Variants in ATXN10 observed in about 807,000 individuals in gnomAD.
The protein encoded by ATXN10 is ataxin-10.
In ATXN10, 28 loss-of-function variants were observed where a neutral mutation model predicts 52.9. That is an observed-to-expected ratio of 0.53 (90% confidence interval 0.39 to 0.73). The LOEUF (loss-of-function observed/expected upper bound fraction) is 0.73. ATXN10 is among the 30% of genes least tolerant of loss of function. The pLI is 0.00. For synonymous variants in ATXN10, 226 were observed against 221.5 expected, an observed-to-expected ratio of 1.02 and a Z score of -0.18; for missense variants, 565 against 577.0, an observed-to-expected ratio of 0.98 and a Z score of 0.21.
chr22:45,747,365 A>G (rs1214320605), intron 9 of ATXN10, among the ~76,000 whole-genome samples: 3 of 152,190 alleles, frequency 2.0e-5, no homozygotes, highest in African/African-American at 7.2e-5. Context: ...TTAGCTGAGT[A>G]TGTTGATGCA....
At chr22:45,771,237 A>G (rs571731629) in intron 9 of ATXN10, among the ~76,000 whole-genome samples, 196 of 152,330 alleles carry the variant, frequency 1.3e-3, no homozygotes, top group African/African-American at 4.4e-3. Flanking sequence ...TGGTACATCC[A>G]TACAATGGAA....
chr22:45,782,445 T>G (rs1483798439), intron 9 of ATXN10, among the ~76,000 whole-genome samples: 1 of 152,204 alleles, frequency 6.6e-6, no homozygotes, highest in East Asian at 1.9e-4. Context: ...AAATACATTA[T>G]GGTATTCATT....
chr22:45,776,158 TA>T (rs774421052), intron 9 of ATXN10, among the ~76,000 whole-genome samples: 5 of 152,190 alleles, frequency 3.3e-5, no homozygotes, highest in Non-Finnish European at 5.9e-5. Context: ...GTTTGCAGAA[TA>T]AAAAAACACC....
intron 9 of ATXN10, among the ~76,000 whole-genome samples, chr22:45,745,869 G>T (rs1456467168): frequency 1.3e-5 from 2 of 152,144 alleles, no homozygotes; most frequent in Non-Finnish European, 1.5e-5. Context: ...TCTTTTCAAG[G>T]AGTGTAAATA....
At chr22:45,706,283 G>A (rs1208956754) in intron 5 of ATXN10, among the ~76,000 whole-genome samples, 1 of 152,070 alleles carries the variant, frequency 6.6e-6, no homozygotes, top group African/African-American at 2.4e-5. Flanking sequence ...TTAGTAATTT[G>A]AGTCTTCTCT....
At chr22:45,685,740 C>T (rs1247193071) in intron 1 of ATXN10, among the ~76,000 whole-genome samples, 1 of 152,056 alleles carries the variant, frequency 6.6e-6, no homozygotes, top group Non-Finnish European at 1.5e-5. Flanking sequence ...TGAATAAAAG[C>T]TTCTTTGTCC....
intron 9 of ATXN10, among the ~76,000 whole-genome samples, chr22:45,788,625 C>G (rs1927401356): frequency 6.6e-6 from 1 of 151,900 alleles, no homozygotes; most frequent in Admixed American, 6.6e-5. Flanking sequence ...ATATTCCACC[C>G]TTCTGTGAAT....
At chr22:45,788,600 G>T (rs191750342) in intron 9 of ATXN10, among the ~76,000 whole-genome samples, 1 of 151,868 alleles carries the variant, frequency 6.6e-6, no homozygotes, top group East Asian at 1.9e-4. Flanking sequence ...TTTTTTTCCT[G>T]ATTTCCAAGA....
In ATXN10 at chr22:45,820,790, C is replaced by T. The variant is rs895215058; in HGVS notation, c.1237+13768C>T. 3.9e-5 allele frequency among the ~76,000 whole-genome samples: 6 copies of T among 152,058 alleles called. No homozygotes were observed. The highest frequency in any genetic ancestry group is 7.2e-5 in the African/African-American group (3 of 41,386). ...ATGGTGGTTGGTTTTTGTGAGCTGC[C>T]GGGAAAGTCGTCTTGGGGAATGGAC... On this transcript the variant is annotated intron_variant, in intron 10 of 11. Transcript: ENST00000252934. This position sits in a 1 kb window ranked among gnomAD's most constrained non-coding sequence, Gnocchi z 4.9.
intron 3 of ATXN10, among the ~76,000 whole-genome samples, chr22:45,695,494 CT>C (rs34688034): frequency 8.5e-4 from 120 of 140,874 alleles, no homozygotes; most frequent in Admixed American, 4.3e-3. Flanking sequence ...AGGCATATTT[CT>C]TTTTTTTTTT....
chr22:45,746,797 A>C (rs1925747085), intron 9 of ATXN10, among the ~76,000 whole-genome samples: 1 of 152,108 alleles, frequency 6.6e-6, no homozygotes. Flanking sequence ...TCACCCCCTG[A>C]CTTACACTCT....
In ATXN10 at chr22:45,843,500, T is replaced by C. The variant is rs1462178913; in HGVS notation, c.1426-169T>C. On this transcript the variant is annotated intron_variant, in intron 11 of 11. Transcript: ENST00000252934. The surrounding 1 kb of genome is among the most constrained non-coding windows in gnomAD (Gnocchi z 4.5). ...TCTTTAAAAGATAGTTAATGTTCAC[T>C]ATAGTTTAAAAAACAGAACTCCTTG... Among the ~76,000 whole-genome samples, 1 of 152,246 alleles carries C rather than the reference T, an allele frequency of 6.6e-6. No individual in the cohort carries two copies. Among genetic ancestry groups the C allele is most frequent in the African/African-American group, 2.4e-5 (1 of 41,472 alleles).
intron 9 of ATXN10, chr22:45,760,685 T>C (rs1262519201): frequency 6.5e-6 from 1 of 154,118 alleles, no homozygotes; most frequent in East Asian, 1.9e-4. Context: ...TCTTACCTCA[T>C]TTAATGATGA....
intron 10 of ATXN10, among the ~76,000 whole-genome samples, chr22:45,829,595 G>A (rs1036094646): frequency 4.0e-5 from 6 of 151,810 alleles, no homozygotes; most frequent in Admixed American, 1.3e-4. Flanking sequence ...TAATACTGAC[G>A]GAATGGAAAT....
At chr22:45,682,701 G>C (rs78009413) in intron 1 of ATXN10, among the ~76,000 whole-genome samples, 3,771 of 152,222 alleles carry the variant, frequency 0.025, 148 homozygotes, top group African/African-American at 0.086. Context: ...TCATCCACCA[G>C]ATATCCTCAG....
chr22:45,687,685 A>C (rs1923199910), intron 1 of ATXN10, among the ~76,000 whole-genome samples: 1 of 152,152 alleles, frequency 6.6e-6, no homozygotes, highest in African/African-American at 2.4e-5. Flanking sequence ...AGCATTCTTC[A>C]TAGTGTTTTA....
At chr22:45,746,817 C>G (rs1483668224) in intron 9 of ATXN10, among the ~76,000 whole-genome samples, 1 of 152,198 alleles carries the variant, frequency 6.6e-6, no homozygotes, top group Non-Finnish European at 1.5e-5. Flanking sequence ...TACCTATAAT[C>G]AGTTTCTGTG....
chr22:45,781,741 GA>G lies in ATXN10; in HGVS notation c.1174-25212del, dbSNP rs1225432136. Among the ~76,000 whole-genome samples, 2 of 152,066 alleles carry G rather than the reference GA, an allele frequency of 1.3e-5. No homozygotes were observed. The highest frequency in any genetic ancestry group is 3.9e-4 in the East Asian group (2 of 5,192). On this transcript the variant is annotated intron_variant, in intron 9 of 11. Coordinates refer to ENST00000252934, the MANE Select transcript of ATXN10 (RefSeq NM_013236.4). This position sits in a 1 kb window ranked among gnomAD's most constrained non-coding sequence, Gnocchi z 4.2. ...AATTATGACCACACTGGAAACAAAT[GA>G]AAAAATCTCAGCAAAGAAATGGAAG...
rs1412097160 is a variant in ATXN10 at position 45,705,695 on chromosome 22, A to G, written c.647+2848A>G. On this transcript the variant is annotated intron_variant, in intron 5 of 11. Transcript: ENST00000252934. This position sits in a 1 kb window ranked among gnomAD's most constrained non-coding sequence, Gnocchi z 5.2. Reference sequence around the variant, plus strand: ...ATGAGCCACCTGCCTCAGCCTCCCAAAGTGCTGGGATTACAGGCGTGAGCC... The same window carrying G: ...ATGAGCCACCTGCCTCAGCCTCCCAGAGTGCTGGGATTACAGGCGTGAGCC... Among the ~76,000 whole-genome samples, 1 of 151,976 alleles carries G rather than the reference A, an allele frequency of 6.6e-6. No individual in the cohort carries two copies. The highest frequency in any genetic ancestry group is 1.5e-5 in the Non-Finnish European group (1 of 67,984).
Sources: allele counts gnomAD v4.1 joint callset (sites outside exome capture counted in the v4.1 genomes callset), GRCh38; gene constraint gnomAD v4.1.1; non-coding constraint Gnocchi (gnomAD v3.1); transcripts MANE v1.5; gene names NCBI Gene and HGNC (gene_info 2026-07-23, HGNC 2026-07-21).